The following LRP1B variants were observed in gnomAD, a reference collection of about 807,000 sequenced individuals.
LRP1B encodes low-density lipoprotein receptor-related protein 1B.
In LRP1B, 217 loss-of-function variants were observed where a neutral mutation model predicts 556.6. The ratio of observed to expected loss-of-function variants is 0.39; its 90% confidence interval spans 0.35 to 0.44. The LOEUF (loss-of-function observed/expected upper bound fraction) is 0.44, where lower values mean the gene tolerates loss of function less well. Ranked by LOEUF, LRP1B falls within the 20% of genes least tolerant of loss-of-function variation. The pLI, the probability that LRP1B is intolerant of heterozygous loss-of-function variation, is 1.00. For synonymous variants in LRP1B, 2,047 were observed against 1,865.8 expected (o/e 1.10, Z -2.50); for missense variants, 5,053 against 5,620.8 (o/e 0.90, Z 3.23).
chr2:141,047,394 A>G (rs1383309845), intron 11 of LRP1B, among the ~76,000 whole-genome samples: 1 of 152,142 alleles, frequency 6.6e-6, no homozygotes, highest in Non-Finnish European at 1.5e-5. Flanking sequence ...TTTAAAGTAA[A>G]GTTGTGTTGA....
At chr2:141,938,958 A>C (rs1700714506) in intron 1 of LRP1B, among the ~76,000 whole-genome samples, 1 of 152,042 alleles carries the variant, frequency 6.6e-6, no homozygotes, top group African/African-American at 2.4e-5. Flanking sequence ...AAATACACAG[A>C]AATAGAGTGT....
chr2:141,278,156 AG>A (rs1685373131), intron 3 of LRP1B, among the ~76,000 whole-genome samples: 1 of 152,158 alleles, frequency 6.6e-6, no homozygotes, highest in Non-Finnish European at 1.5e-5. Flanking sequence ...ACAAAGGTAA[AG>A]GAAAAAAATA....
At chr2:140,781,848 G>A (rs561593161) in intron 32 of LRP1B, among the ~76,000 whole-genome samples, 13 of 152,302 alleles carry the variant, frequency 8.5e-5, no homozygotes, top group African/African-American at 2.9e-4. Flanking sequence ...TCTACAGATA[G>A]AATGACATGA....
chr2:141,372,261 A>G (rs1689253978), intron 3 of LRP1B, among the ~76,000 whole-genome samples: 2 of 151,950 alleles, frequency 1.3e-5, no homozygotes, highest in Non-Finnish European at 2.9e-5. Context: ...GTATCTTTTC[A>G]TTGTGTTATT....
chr2:141,794,199 G>C (rs955170693), intron 2 of LRP1B, among the ~76,000 whole-genome samples: 1 of 151,868 alleles, frequency 6.6e-6, no homozygotes, highest in African/African-American at 2.4e-5. Flanking sequence ...GACTTTGATA[G>C]AAGTCTCTAT....
At chr2:142,099,460 T>C (rs577084809) in intron 1 of LRP1B, among the ~76,000 whole-genome samples, 19 of 151,970 alleles carry the variant, frequency 1.3e-4, no homozygotes, top group Non-Finnish European at 2.1e-4. Flanking sequence ...TATTTTCCAC[T>C]TAAATTTCAA....
At chr2:141,814,300 T>C (rs1696459666) in intron 1 of LRP1B, among the ~76,000 whole-genome samples, 1 of 152,128 alleles carries the variant, frequency 6.6e-6, no homozygotes, top group African/African-American at 2.4e-5. Flanking sequence ...GCCTACAGCT[T>C]GATTTTCAGG....
intron 2 of LRP1B, among the ~76,000 whole-genome samples, chr2:141,736,843 A>T (rs573557666): frequency 2.8e-4 from 43 of 152,238 alleles, no homozygotes; most frequent in African/African-American, 1.0e-3. Context: ...ATATCTTGCA[A>T]TTATCATAAG....
rs147658949 is a variant in LRP1B, at chr2:141,485,908, C to T, written c.206-5375G>A. On this transcript the variant is annotated intron_variant, in intron 2 of 90. Transcript: ENST00000389484. The stretch of plus-strand genomic sequence containing the variant: ...ACAAAAAGGAACATGGTTGGAGGCT[C>T]TCTGGTAAACCTGGCATTACCTCTG... Among the ~76,000 whole-genome samples, 3 of 152,112 alleles carry T rather than the reference C, an allele frequency of 2.0e-5. No homozygotes were observed. The East Asian group carries it at 5.8e-4, about 29-fold the overall frequency.
At chr2:141,734,711 C>T (rs189510667) in intron 2 of LRP1B, among the ~76,000 whole-genome samples, 1 of 152,128 alleles carries the variant, frequency 6.6e-6, no homozygotes, top group Non-Finnish European at 1.5e-5. Flanking sequence ...ATGAATGCTC[C>T]TGAGAGCACT....
Position 140,994,065 on chromosome 2 carries a change from G to A in LRP1B, c.2574C>T (p.Ile858=), listed in dbSNP as rs2105359002. The change falls in exon 16 of 91, where the codon ATC becomes ATT. Residue 858 remains isoleucine (I), a synonymous_variant. Coordinates refer to ENST00000389484, the MANE Select transcript of LRP1B (RefSeq NM_018557.3). ...CGCCATCACATTTCCACCGAGCTTG[G>A]ATACAGTGTCTGTTTTTGCAGCGAA... ...GEFRCKNRHC[I]QARWKCDGDD... 1 of 1,612,632 alleles carries A rather than the reference G, an allele frequency of 6.2e-7. No homozygotes were observed. The highest frequency in any genetic ancestry group is 8.5e-7 in the Non-Finnish European group (1 of 1,179,132).
chr2:140,987,438 T>G (rs2105349951), intron 17 of LRP1B, among the ~76,000 whole-genome samples: 1 of 152,284 alleles, frequency 6.6e-6, no homozygotes, highest in East Asian at 1.9e-4. Flanking sequence ...TTGCACCAAC[T>G]AACAATTAAA....
chr2:140,951,963 C>T, intron 18 of LRP1B, 23 bp from the exon 19 acceptor site: 1 of 1,505,466 alleles, frequency 6.6e-7, no homozygotes, highest in Non-Finnish European at 9.2e-7. Context: ...TAAAAATGTC[C>T]AAAAGGTAAC....
At chr2:141,605,105 T>C (rs1301504761) in intron 2 of LRP1B, among the ~76,000 whole-genome samples, 4 of 152,052 alleles carry the variant, frequency 2.6e-5, no homozygotes, top group Admixed American at 2.0e-4. Flanking sequence ...AAATCCTGCG[T>C]CACTATGGAG....
intron 1 of LRP1B, among the ~76,000 whole-genome samples, chr2:141,854,964 A>T (rs533664223): frequency 6.6e-6 from 1 of 152,240 alleles, no homozygotes; most frequent in Non-Finnish European, 1.5e-5. Flanking sequence ...GCCTAAATTT[A>T]TATAAGCATG....
intron 3 of LRP1B, among the ~76,000 whole-genome samples, chr2:141,462,831 AAAAT>A (rs1681936782): frequency 7.0e-6 from 1 of 142,112 alleles, no homozygotes; most frequent in Admixed American, 7.2e-5. Flanking sequence ...TTTTAATTGA[AAAAT>A]AAGTAAATAA....
Position 141,264,968 on chromosome 2 carries a change from T to C in LRP1B, c.344-10327A>G, listed in dbSNP as rs145026348. Among the ~76,000 whole-genome samples, 631 of 152,270 alleles carry C rather than the reference T, an allele frequency of 4.1e-3. 3 individuals are homozygous for C. Among genetic ancestry groups the C allele is most frequent in the African/African-American group, 0.013 (559 of 41,548 alleles). The stretch of plus-strand genomic sequence containing the variant: ...CCGGAGCCCCAGATATCACTGGACC[T>C]GAACCTAGAGCAAGCCTAGGACAGG... On this transcript the variant is annotated intron_variant, in intron 3 of 90. Coordinates refer to ENST00000389484, the MANE Select transcript of LRP1B (RefSeq NM_018557.3).
chr2:141,765,136 GT>G (rs370564281), intron 2 of LRP1B, among the ~76,000 whole-genome samples: 5 of 152,236 alleles, frequency 3.3e-5, no homozygotes, highest in Admixed American at 6.5e-5. Context: ...TCGCAAGTAG[GT>G]TTTTCTTCAC....
chr2:141,156,039 T>C (rs1288182335), intron 7 of LRP1B, among the ~76,000 whole-genome samples: 1 of 152,156 alleles, frequency 6.6e-6, no homozygotes, highest in Non-Finnish European at 1.5e-5. Flanking sequence ...AACTACTTTC[T>C]AGAATCCAGG....
Sources: allele counts gnomAD v4.1 joint callset (sites outside exome capture counted in the v4.1 genomes callset), GRCh38; gene constraint gnomAD v4.1.1; transcripts MANE v1.5; gene names NCBI Gene and HGNC (gene_info 2026-07-23, HGNC 2026-07-21).